The following TWIST1 variants were observed in gnomAD, a reference collection of about 807,000 sequenced individuals.
TWIST1 encodes twist family bHLH transcription factor 1, also known as twist-related protein 1.
A neutral mutation model predicts 12.9 loss-of-function variants in TWIST1; 8 were observed. That is an observed-to-expected ratio of 0.62 (90% CI 0.37 to 1.12). TWIST1 has a LOEUF of 1.12. TWIST1 is among the 50% of genes most tolerant of loss of function. The pLI is 0.02. For missense variants in TWIST1, 268 were observed against 299.7 expected, an observed-to-expected ratio of 0.89 and a Z score of 0.78; for synonymous variants, 169 against 138.7, an observed-to-expected ratio of 1.22 and a Z score of -1.54.
rs548746046 is a variant in TWIST1 at position 19,116,598 on chromosome 7, C to G, written c.*42+73G>C. 1.0e-4 allele frequency: 127 copies of G among 1,226,798 alleles called. 2 individuals carry two copies. The South Asian group carries it at 1.6e-3, about 16-fold the overall frequency. 76.0% of individuals were successfully genotyped at this position (1,226,798 alleles called of 1,614,324 possible). A position where few individuals can be genotyped will look rare whatever the true frequency, so the allele number is the denominator to read the frequency against. ...GGAGAGGGGAGGAAATCGAGGTGGA[C>G]TGGGAACCGCGGCCTGGCCGGCCTG... On this transcript the variant is annotated intron_variant, in intron 1 of 1. Transcript: ENST00000242261.
chr7:19,114,834 A>G (rs1788534231), downstream of TWIST1, among the ~76,000 whole-genome samples: 1 of 152,140 alleles, frequency 6.6e-6, no homozygotes, highest in African/African-American at 2.4e-5. Flanking sequence ...CTTTACACAT[A>G]AAAAAAGAAT....
Position 19,116,794 on chromosome 7 carries a change from G to A in TWIST1, c.528C>T (p.Ser176=). The A allele has an allele frequency of 6.2e-7, 1 of 1,614,094 alleles. No individual in the cohort carries two copies. The highest frequency in any genetic ancestry group is 8.5e-7 in the Non-Finnish European group (1 of 1,179,984). ...AGCTGAGCCGCTCGTGAGCCACATA[G>A]CTGCAGCTTGCCATCTTGGAGTCCA... ...DELDSKMASC[S]YVAHERLSYA... Residue 176 remains serine, a synonymous_variant, in exon 1 of 2, where the codon AGC becomes AGT. Transcript: ENST00000242261.
chr7:19,117,292 G>A lies in TWIST1; in HGVS notation c.30C>T (p.Val10=), dbSNP rs1788595964. Residue 10 remains valine (V), a synonymous_variant, in exon 1 of 2, where the codon GTC becomes GTT. Transcript: ENST00000242261. MMQDVSSSP[V]SPADDSLSNS... is the part of the protein sequence containing the mutation. The stretch of plus-strand genomic sequence containing the variant: ...TGCTCAGGCTGTCGTCGGCCGGCGA[G>A]ACTGGCGAGCTGGACACGTCCTGCA... 1 of 1,476,256 alleles carries A rather than the reference G, an allele frequency of 6.8e-7. No individual in the cohort carries two copies. The highest frequency in any genetic ancestry group is 9.0e-7 in the Non-Finnish European group (1 of 1,117,306). 91.4% of individuals were successfully genotyped at this position (1,476,256 alleles called of 1,614,324 possible). A position where few individuals can be genotyped will look rare whatever the true frequency, so the allele number is the denominator to read the frequency against.
At chr7:19,115,099 A>G (rs1788538990), downstream of TWIST1, among the ~76,000 whole-genome samples, 1 of 152,218 alleles carries the variant, frequency 6.6e-6, no homozygotes, top group South Asian at 2.1e-4. Flanking sequence ...AAGAGTGAAG[A>G]GCATGACAAA....
Position 19,117,129 on chromosome 7 carries a change from C to G in TWIST1, c.193G>C (p.Glu65Gln), listed in dbSNP as rs1449444508. 5.3e-6 allele frequency: 6 copies of G among 1,127,002 alleles called. No individual in the cohort carries two copies. The highest frequency in any genetic ancestry group is 4.8e-5 in the East Asian group (1 of 20,950). The allele number at this position is 1,127,002 out of a possible 1,614,324, so 69.8% of individuals were successfully genotyped here. A position where few individuals can be genotyped will look rare whatever the true frequency, so the allele number is the denominator to read the frequency against. ...AAGGGVGGGD[E>Q]PGSPAQGKRG... is the part of the protein sequence containing the mutation. ...TTGCCCTGGGCCGGGCTGCCCGGCT[C>G]GTCGCCGCCTCCGACGCCCCCACCC... Residue 65 changes from glutamate to glutamine, a missense_variant, in exon 1 of 2, where the codon GAG (glutamate) becomes CAG (glutamine). By Grantham distance (29) the Glu-to-Gln change is conservative. Coordinates refer to ENST00000242261, the MANE Select transcript of TWIST1 (RefSeq NM_000474.4).
In TWIST1 at chr7:19,117,058, G is replaced by A. The variant is rs1046396546; in HGVS notation, c.264C>T (p.Gly88=). 4 of 1,404,678 alleles carry A rather than the reference G, an allele frequency of 2.8e-6. No individual in the cohort carries two copies. Among genetic ancestry groups the A allele is most frequent in the Admixed American group, 3.3e-5 (1 of 30,726 alleles). 87.0% of individuals were successfully genotyped at this position (1,404,678 alleles called of 1,614,324 possible). The change falls in exon 1 of 2, where the codon GGC becomes GGT. Residue 88 remains glycine (G), a synonymous_variant. Coordinates refer to ENST00000242261, the MANE Select transcript of TWIST1 (RefSeq NM_000474.4). ...SAGCGGGGGA[G]GGGGSSSGGG... ...CGCCGCTGCTGCTGCCGCCGCCGCC[G>A]CCCGCGCCGCCGCCGCCGCCACAGC...
downstream of TWIST1, chr7:19,113,415 C>G (rs1444468049): frequency 1.3e-5 from 2 of 152,230 alleles, no homozygotes; most frequent in East Asian, 3.9e-4. Flanking sequence ...TCTATGTGTT[C>G]TTTAAATAAG....
chr7:19,113,495 A>T (rs1036340942), downstream of TWIST1: 7 of 152,220 alleles, frequency 4.6e-5, no homozygotes, highest in Non-Finnish European at 8.8e-5. Context: ...GAAAAGAAAC[A>T]GGTGGCTTCA....
In TWIST1 at chr7:19,116,823, C is replaced by G. The variant is rs1240371620; in HGVS notation, c.499G>C (p.Glu167Gln). 5.0e-6 allele frequency: 8 copies of G among 1,614,142 alleles called. No homozygotes were observed. The highest frequency in any genetic ancestry group is 1.7e-5 in the Admixed American group (1 of 60,024). The change falls in exon 1 of 2, where the codon GAG (glutamate) becomes CAG (glutamine). Residue 167 changes from glutamate (E) to glutamine (Q), a missense_variant. Glu to Gln is a conservative substitution (Grantham distance 29, BLOSUM62 2). Transcript: ENST00000242261. ...CAGCTTGCCATCTTGGAGTCCAGCT[C>G]GTCGCTCTGGAGGACCTGGTAGAGG... ...DFLYQVLQSDELDSKMASCSY... is the reference protein window; with the variant it reads ...DFLYQVLQSDQLDSKMASCSY...
rs1788557982 is a variant in TWIST1 at position 19,116,049 on chromosome 7, T to G, written c.*125A>C. 1 of 152,148 alleles carries G rather than the reference T, an allele frequency of 6.6e-6. No homozygotes were observed. Among genetic ancestry groups the G allele is most frequent in the Admixed American group, 6.6e-5 (1 of 15,248 alleles). 9.4% of individuals were successfully genotyped at this position (152,148 alleles called of 1,614,324 possible). A position where few individuals can be genotyped will look rare whatever the true frequency, so the allele number is the denominator to read the frequency against. On this transcript the variant is annotated 3_prime_UTR_variant, in exon 2 of 2. Coordinates refer to ENST00000242261, the MANE Select transcript of TWIST1 (RefSeq NM_000474.4). ...TGCTCTTCTAATTTCCAAGAAAATC[T>G]TTGGCATATATTTTTATTTTTAGTT...
chr7:19,117,300 A>G lies in TWIST1; in HGVS notation c.22T>C (p.Ser8Pro). The G allele has an allele frequency of 6.8e-7, 1 of 1,475,770 alleles. No homozygotes were observed. The highest frequency in any genetic ancestry group is 9.0e-7 in the Non-Finnish European group (1 of 1,116,902). The allele number at this position is 1,475,770 out of a possible 1,614,324, so 91.4% of individuals were successfully genotyped here. ...CTGTCGTCGGCCGGCGAGACTGGCGAGCTGGACACGTCCTGCATCATCTCT... is the reference window on the plus strand; with the variant it reads ...CTGTCGTCGGCCGGCGAGACTGGCGGGCTGGACACGTCCTGCATCATCTCT... MMQDVSS[S>P]PVSPADDSLS... Residue 8 changes from serine to proline, a missense_variant, in exon 1 of 2, where the codon TCG becomes CCG. Physicochemically the swap from Ser to Pro is moderately conservative, Grantham distance 74. Transcript: ENST00000242261.
downstream of TWIST1, among the ~76,000 whole-genome samples, chr7:19,114,755 T>G (rs572157601): frequency 1.6e-4 from 25 of 152,364 alleles, no homozygotes; most frequent in African/African-American, 5.8e-4. Context: ...ACTGTGATTA[T>G]ATCCAGTTAC....
Position 19,117,230 on chromosome 7 carries a change from C to G in TWIST1, c.92G>C (p.Ser31Thr). The change falls in exon 1 of 2, where the codon AGC becomes ACC. Residue 31 changes from serine to threonine, a missense_variant. Around this residue, in one of 2 missense-constraint regions of TWIST1, gnomAD observed 189 missense variants for 172.1 expected, o/e 1.10. Coordinates refer to ENST00000242261, the MANE Select transcript of TWIST1 (RefSeq NM_000474.4). ...EEEPDRQQPPSGKRGGRKRRS... is the reference protein window; with the variant it reads ...EEEPDRQQPPTGKRGGRKRRS... ...CCGCTTGCGTCCCCCGCGCTTGCCG[C>G]TCGGCGGCTGCTGCCGGTCTGGCTC... 7.1e-7 allele frequency: 1 copy of G among 1,417,528 alleles called. No homozygotes were observed. The allele number at this position is 1,417,528 out of a possible 1,614,324, so 87.8% of individuals were successfully genotyped here. A position where few individuals can be genotyped will look rare whatever the true frequency, so the allele number is the denominator to read the frequency against.
At position 19,117,530 on chromosome 7, in the gene TWIST1, A is replaced by C; in HGVS notation, c.-209T>G. The C allele has an allele frequency of 1.7e-6, 2 of 1,175,636 alleles. No individual in the cohort carries two copies. Among genetic ancestry groups the C allele is most frequent in the Non-Finnish European group, 2.1e-6 (2 of 942,520 alleles). 72.8% of individuals were successfully genotyped at this position (1,175,636 alleles called of 1,614,324 possible). A position where few individuals can be genotyped will look rare whatever the true frequency, so the allele number is the denominator to read the frequency against. ...GCGGGAGGGGGAGGGGACGGTGTGG[A>C]TGGCCCCGAGGTCCAAAAAGAAAGC... On this transcript the variant is annotated 5_prime_UTR_variant, in exon 1 of 2. Transcript: ENST00000242261.
At chr7:19,113,732 C>T (rs921188813), downstream of TWIST1, 4 of 152,090 alleles carry the variant, frequency 2.6e-5, no homozygotes, top group Non-Finnish European at 5.9e-5. Flanking sequence ...ATGGCATTTG[C>T]TTTTCTCCAA....
Position 19,117,630 on chromosome 7 carries a change from G to A in TWIST1, c.-309C>T, listed in dbSNP as rs1788607097. ...GTGCTGCAGAGCCCGCGAGGTGTCT[G>A]GGAGTTGGGCGAGAGCTGCAGACTT... On this transcript the variant is annotated 5_prime_UTR_variant, in exon 1 of 2. Coordinates refer to ENST00000242261, the MANE Select transcript of TWIST1 (RefSeq NM_000474.4). 1.9e-6 allele frequency: 2 copies of A among 1,052,778 alleles called. No homozygotes were observed. The highest frequency in any genetic ancestry group is 1.7e-5 in the African/African-American group (1 of 58,838). The allele number at this position is 1,052,778 out of a possible 1,614,324, so 65.2% of individuals were successfully genotyped here.
At chr7:19,113,183 C>G (rs1474005796), downstream of TWIST1, 1 of 152,168 alleles carries the variant, frequency 6.6e-6, no homozygotes. Context: ...AAAAAAATTA[C>G]TGCTTTCTTA....
At chr7:19,114,687 C>T (rs1788532103), downstream of TWIST1, among the ~76,000 whole-genome samples, 1 of 152,076 alleles carries the variant, frequency 6.6e-6, no homozygotes, top group Non-Finnish European at 1.5e-5. Context: ...TAAAATATAA[C>T]GCTAATGAAC....
At position 19,117,105 on chromosome 7, in the gene TWIST1, T is replaced by C; in HGVS notation, c.217A>G (p.Lys73Glu). ...GDEPGSPAQG[K>E]RGKKSAGCGG... ...CAGCCCGCAGACTTCTTGCCGCGCTTGCCCTGGGCCGGGCTGCCCGGCTCG... is the reference window on the plus strand; with the variant it reads ...CAGCCCGCAGACTTCTTGCCGCGCTCGCCCTGGGCCGGGCTGCCCGGCTCG... Residue 73 changes from lysine to glutamate, a missense_variant, in exon 1 of 2, where the codon AAG becomes GAG. Physicochemically the swap from Lys to Glu is moderately conservative, Grantham distance 56. Transcript: ENST00000242261. The C allele has an allele frequency of 7.8e-7, 1 of 1,284,536 alleles. No homozygotes were observed. Among genetic ancestry groups the C allele is most frequent in the South Asian group, 2.4e-5 (1 of 42,484 alleles). The allele number at this position is 1,284,536 out of a possible 1,614,324, so 79.6% of individuals were successfully genotyped here. A position where few individuals can be genotyped will look rare whatever the true frequency, so the allele number is the denominator to read the frequency against.
Sources: allele counts gnomAD v4.1 joint callset (sites outside exome capture counted in the v4.1 genomes callset), GRCh38; gene constraint gnomAD v4.1.1; regional missense constraint gnomAD v4.1.1; transcripts MANE v1.5; gene names NCBI Gene and HGNC (gene_info 2026-07-23, HGNC 2026-07-21).